PTGER3: variants seen among roughly 807,000 people sequenced by gnomAD.
PTGER3 encodes the protein prostaglandin E receptor 3.
In PTGER3, 22 loss-of-function variants were observed where a neutral mutation model predicts 34.7. The ratio of observed to expected loss-of-function variants is 0.63; its 90% CI spans 0.45 to 0.91. The LOEUF (loss-of-function observed/expected upper bound fraction) is 0.91, where lower values mean the gene tolerates loss of function less well. Ranked by LOEUF, PTGER3 falls within the 40% of genes least tolerant of loss-of-function variation. The pLI is 0.00. For missense variants in PTGER3, 468 were observed against 519.4 expected (o/e 0.90, Z 0.96); for synonymous variants, 241 against 230.1 (o/e 1.05, Z -0.43).
At chr1:70,991,145 T>C (rs1275898744) in intron 2 of PTGER3, among the ~76,000 whole-genome samples, 3 of 152,062 alleles carry the variant, frequency 2.0e-5, no homozygotes, top group Non-Finnish European at 4.4e-5. Flanking sequence ...ACTCCCACTC[T>C]CCAATACAAT....
intron 2 of PTGER3, among the ~76,000 whole-genome samples, chr1:70,985,040 G>A (rs1654782966): frequency 6.6e-6 from 1 of 152,162 alleles, no homozygotes; most frequent in Non-Finnish European, 1.5e-5. Context: ...GCCAACTTCA[G>A]CAGCAGGAGG....
chr1:70,899,356 T>C (rs1282918425), intron 4 of PTGER3, among the ~76,000 whole-genome samples: 1 of 152,004 alleles, frequency 6.6e-6, no homozygotes, highest in Non-Finnish European at 1.5e-5. Flanking sequence ...TATAATTCAC[T>C]CCAGGAAAAG....
chr1:70,994,398 A>T (rs1408321051), intron 2 of PTGER3, among the ~76,000 whole-genome samples: 1 of 152,170 alleles, frequency 6.6e-6, no homozygotes, highest in Admixed American at 6.5e-5. Context: ...AATTATAGTT[A>T]ACTATTTACG....
At chr1:70,979,761 G>A (rs1654076778) in intron 2 of PTGER3, among the ~76,000 whole-genome samples, 1 of 152,036 alleles carries the variant, frequency 6.6e-6, no homozygotes, top group African/African-American at 2.4e-5. Context: ...CTATATTAAA[G>A]ACTCCAATGC....
At chr1:70,861,870 A>AC (rs1170295823) in intron 4 of PTGER3, among the ~76,000 whole-genome samples, 1 of 151,998 alleles carries the variant, frequency 6.6e-6, no homozygotes, top group African/African-American at 2.4e-5. Flanking sequence ...TTGGCTGTTA[A>AC]AGTTTATGTA....
rs574338937 is a variant in PTGER3, at chr1:70,898,180, A to G, written c.*24-45321T>C. On this transcript the variant is annotated intron_variant, in intron 4 of 4. Coordinates refer to the PTGER3 transcript ENST00000370931. ...CTCATGTGAGGGGAACTGTGGTCTT[A>G]TCAAGAAGGACTTCTCCTACATCCC... Among the ~76,000 whole-genome samples, 37 of 152,264 alleles carry G rather than the reference A, an allele frequency of 2.4e-4. No homozygotes were observed. In the South Asian group the frequency reaches 6.8e-3, roughly 28 times the overall value.
At chr1:71,038,952 A>C (rs1018325499) in intron 1 of PTGER3, among the ~76,000 whole-genome samples, 4 of 152,234 alleles carry the variant, frequency 2.6e-5, no homozygotes, top group African/African-American at 9.6e-5. Flanking sequence ...AGTTAGATGC[A>C]CAATTAGTTC....
chr1:70,947,237 G>A (rs1478546496), intron 4 of PTGER3: 2 of 152,160 alleles, frequency 1.3e-5, no homozygotes, highest in Non-Finnish European at 2.9e-5. Context: ...ATTTCAACTT[G>A]AATTGTATCT....
chr1:70,998,810 C>T (rs1045721564), intron 2 of PTGER3, among the ~76,000 whole-genome samples: 4 of 152,102 alleles, frequency 2.6e-5, no homozygotes, highest in Non-Finnish European at 1.5e-5. Context: ...GCTTGAATCT[C>T]GATACATCTA....
rs1653032469 is a variant in PTGER3, at chr1:70,971,094, G to T, written c.*636C>A. The T allele has an allele frequency of 4.1e-6, 4 of 985,344 alleles. No homozygotes were observed. The highest frequency in any genetic ancestry group is 4.8e-6 in the Non-Finnish European group (4 of 829,910). 61.0% of individuals were successfully genotyped at this position (985,344 alleles called of 1,614,324 possible). A position where few individuals can be genotyped will look rare whatever the true frequency, so the allele number is the denominator to read the frequency against. The stretch of plus-strand genomic sequence containing the variant: ...AAAGCTTAGAAATAACAATTAAGCA[G>T]ATTCCTGAGTTACTAAATGACACAT... On this transcript the variant is annotated 3_prime_UTR_variant, in exon 4 of 4. Transcript: ENST00000306666.
Position 70,971,445 on chromosome 1 carries a change from C to G in PTGER3, c.*285G>C. Reference sequence around the variant, plus strand: ...GAAAACTCCTGGAACACAGGTCTTTCTTTTCATCACTTTTCCTCCAATCAT... The same window carrying G: ...GAAAACTCCTGGAACACAGGTCTTTGTTTTCATCACTTTTCCTCCAATCAT... On this transcript the variant is annotated 3_prime_UTR_variant, in exon 4 of 4. Coordinates refer to ENST00000306666, the MANE Select transcript of PTGER3 (RefSeq NM_198719.2). 8.9e-7 allele frequency: 1 copy of G among 1,122,458 alleles called. No homozygotes were observed. The highest frequency in any genetic ancestry group is 1.1e-6 in the Non-Finnish European group (1 of 917,254). 69.5% of individuals were successfully genotyped at this position (1,122,458 alleles called of 1,614,324 possible).
At chr1:71,011,990 A>G in intron 2 of PTGER3, 1 of 1,360,234 alleles carries the variant, frequency 7.4e-7, no homozygotes, top group East Asian at 2.8e-5. Context: ...TACGAATGGC[A>G]GACTCAACAA....
intron 4 of PTGER3, among the ~76,000 whole-genome samples, chr1:70,894,411 G>A (rs919445372): frequency 4.7e-5 from 7 of 149,310 alleles, no homozygotes; most frequent in African/African-American, 1.7e-4. Context: ...ATAGCATTTT[G>A]AGCCTGCAAG....
At chr1:70,928,763 G>A (rs191125507) in intron 4 of PTGER3, among the ~76,000 whole-genome samples, 21 of 152,078 alleles carry the variant, frequency 1.4e-4, no homozygotes, top group Non-Finnish European at 2.9e-4. Flanking sequence ...GCTACAATTA[G>A]CATTCATTAC....
chr1:70,968,371 CAA>C (rs1652755927), downstream of PTGER3, among the ~76,000 whole-genome samples: 1 of 152,138 alleles, frequency 6.6e-6, no homozygotes, highest in Non-Finnish European at 1.5e-5. Flanking sequence ...AACTGTAGAT[CAA>C]ACATCAGTTC....
At chr1:70,886,395 C>T (rs1439660608) in intron 4 of PTGER3, 1 of 385,804 alleles carries the variant, frequency 2.6e-6, no homozygotes, top group East Asian at 8.2e-5. Context: ...GCTTCCCAAA[C>T]TGACCAAAAC....
chr1:70,904,386 A>G (rs893766886), intron 4 of PTGER3, among the ~76,000 whole-genome samples: 4 of 152,202 alleles, frequency 2.6e-5, no homozygotes, highest in African/African-American at 9.6e-5. Flanking sequence ...TAACAGGTGG[A>G]GAGGTTGGAA....
At chr1:70,969,250 T>C (rs182532432), downstream of PTGER3, among the ~76,000 whole-genome samples, 108 of 152,240 alleles carry the variant, frequency 7.1e-4, 1 homozygote, top group African/African-American at 2.4e-3. Context: ...CTTGTGATTA[T>C]TCTCCCTGGA....
chr1:70,919,747 G>A (rs528182033), intron 4 of PTGER3, among the ~76,000 whole-genome samples: 4 of 152,108 alleles, frequency 2.6e-5, no homozygotes, highest in Non-Finnish European at 5.9e-5. Context: ...TACTGAATCT[G>A]TATTTAATGG....
Sources: gnomAD v4.1 joint callset for allele counts (sites outside exome capture counted in the v4.1 genomes callset) on GRCh38, gnomAD v4.1.1 for gene constraint, MANE v1.5 for transcripts, NCBI Gene and HGNC (gene_info 2026-07-23, HGNC 2026-07-21) for gene names.